The following FLNB variants were observed in gnomAD, a reference collection of about 807,000 sequenced individuals.
FLNB encodes the protein filamin B.
FLNB carries 111 observed loss-of-function variants against 250.6 expected under a neutral mutation model. That is an observed-to-expected ratio of 0.44 (90% CI 0.38 to 0.52). The LOEUF (loss-of-function observed/expected upper bound fraction) is 0.52, where lower values mean the gene tolerates loss of function less well. FLNB is among the 20% of genes least tolerant of loss of function. FLNB has a pLI of 0.00. For synonymous variants in FLNB, 1,302 were observed against 1,372.1 expected (o/e 0.95, Z 1.13); for missense variants, 2,869 against 3,447.8 (o/e 0.83, Z 4.20).
rs750637469 is a variant in FLNB at position 58,008,795 on chromosome 3, C to T, written c.231C>T (p.Leu77=). ...GGCCCACCTTTCGCCAGATGCAGCT[C>T]GAGAATGTGTCCGTGGCGCTCGAGT... is the stretch of plus-strand genomic sequence containing the variant. ...HQRPTFRQMQ[L]ENVSVALEFL... is the part of the protein sequence containing the mutation. Residue 77 remains leucine (L), a synonymous_variant, in exon 1 of 46, where the codon CTC becomes CTT. Coordinates refer to ENST00000295956, the MANE Select transcript of FLNB (RefSeq NM_001457.4). The T allele has an allele frequency of 2.0e-5, 33 of 1,613,932 alleles. No homozygotes were observed. The highest frequency in any genetic ancestry group is 1.9e-5 in the Non-Finnish European group (23 of 1,179,938).
chr3:58,114,676 C>T (rs2097274754), intron 18 of FLNB, among the ~76,000 whole-genome samples: 1 of 151,832 alleles, frequency 6.6e-6, no homozygotes, highest in Non-Finnish European at 1.5e-5. Context: ...CCTGGTTTCT[C>T]CACATCCTTG....
At chr3:58,019,449 T>A (rs928232315) in intron 1 of FLNB, among the ~76,000 whole-genome samples, 2 of 152,176 alleles carry the variant, frequency 1.3e-5, no homozygotes, top group African/African-American at 4.8e-5. Context: ...TAGTTTAAAT[T>A]TTAAGCCTCT....
chr3:58,126,468 T>C (rs1320114260), intron 23 of FLNB, 134 bp from the exon 24 acceptor site: 19 of 748,738 alleles, frequency 2.5e-5, no homozygotes, highest in Non-Finnish European at 3.8e-5. Context: ...AAATTCCCTA[T>C]GTGAGAGGTG....
intron 1 of FLNB, among the ~76,000 whole-genome samples, chr3:58,072,114 A>AAAAC (rs2097195469): frequency 6.6e-6 from 1 of 152,224 alleles, no homozygotes; most frequent in African/African-American, 2.4e-5. Context: ...AAAACTAAAC[A>AAAAC]AAACACACCC....
intron 1 of FLNB, among the ~76,000 whole-genome samples, chr3:58,026,339 T>C (rs1046406621): frequency 6.6e-6 from 1 of 152,130 alleles, no homozygotes; most frequent in African/African-American, 2.4e-5. Flanking sequence ...GGGCAGCACT[T>C]TCCCTCCTAG....
At chr3:58,101,487 A>T (rs1392072209) in intron 8 of FLNB, among the ~76,000 whole-genome samples, 2 of 152,228 alleles carry the variant, frequency 1.3e-5, no homozygotes, top group African/African-American at 4.8e-5. Flanking sequence ...CAAGTAAGGC[A>T]TATTGGAAGC....
At chr3:58,129,581 T>G (rs2097303165) in intron 24 of FLNB, among the ~76,000 whole-genome samples, 1 of 152,214 alleles carries the variant, frequency 6.6e-6, no homozygotes, top group Non-Finnish European at 1.5e-5. Context: ...AGCCATTTAT[T>G]TCACGTAGCT....
chr3:58,078,383 G>C, intron 2 of FLNB: 2 of 1,524,382 alleles, frequency 1.3e-6, no homozygotes, highest in Non-Finnish European at 1.7e-6. Context: ...TCCAGGAATA[G>C]AGTAAAAAAT....
Position 58,171,370 on chromosome 3 carries a change from A to T in FLNB, c.*608A>T, listed in dbSNP as rs1372304371. 6.5e-6 allele frequency: 1 copy of T among 154,362 alleles called. No homozygotes were observed. The highest frequency in any genetic ancestry group is 1.4e-5 in the Non-Finnish European group (1 of 69,612). 9.6% of individuals were successfully genotyped at this position (154,362 alleles called of 1,614,324 possible). On this transcript the variant is annotated 3_prime_UTR_variant, in exon 46 of 46. Coordinates refer to ENST00000295956, the MANE Select transcript of FLNB (RefSeq NM_001457.4). The surrounding 1 kb of genome is among the most constrained non-coding windows in gnomAD (Gnocchi z 5.5). ...GGCACCCTACAGAAACTCAGAGGGC[A>T]GAGTGGCAGCCAGGCCCACATGTCT... is the stretch of plus-strand genomic sequence containing the variant.
intron 1 of FLNB, among the ~76,000 whole-genome samples, chr3:58,063,710 G>A (rs953900948): frequency 1.3e-5 from 2 of 152,126 alleles, no homozygotes; most frequent in African/African-American, 4.8e-5. Flanking sequence ...TCTTTGGGCA[G>A]GCTGCCATCT....
chr3:58,036,438 G>T (rs1055384543), intron 1 of FLNB, among the ~76,000 whole-genome samples: 6 of 152,178 alleles, frequency 3.9e-5, no homozygotes, highest in African/African-American at 1.4e-4. Context: ...TGGAGATGGA[G>T]TCACAGGGGG....
intron 35 of FLNB, 37 bp downstream of exon 35, chr3:58,148,401 A>G (rs1236875620): frequency 1.6e-5 from 25 of 1,600,904 alleles, no homozygotes; most frequent in Non-Finnish European, 2.0e-5. Flanking sequence ...GAGCCAGGAC[A>G]TCTTGGGTGG....
chr3:58,168,609 CG>C lies in FLNB; in HGVS notation c.7370del (p.Gly2457ValfsTer15), dbSNP rs1180072256. 6.2e-7 allele frequency: 1 copy of C among 1,614,038 alleles called. No homozygotes were observed. Among genetic ancestry groups the C allele is most frequent in the Admixed American group, 1.7e-5 (1 of 60,006 alleles). Reference protein sequence around the residue: ...PGNYLISVKYGGPNHIVGSPF... With the variant: ...PGNYLISVKYXGPNHIVGSPF... ...GTAACTACCTGATCAGCGTCAAATA[CG>C]GTGGGCCCAACCACATCGTGGGCAG... On this transcript the variant is annotated frameshift_variant, in exon 44 of 46. Transcript: ENST00000295956. LOFTEE classifies it high-confidence loss of function.
chr3:58,159,383 G>A (rs2097357985), intron 41 of FLNB, among the ~76,000 whole-genome samples, 171 bp from the exon 42 acceptor site: 1 of 152,138 alleles, frequency 6.6e-6, no homozygotes, highest in South Asian at 2.1e-4. Flanking sequence ...GCACGTCTCT[G>A]CTATCTTACA....
intron 1 of FLNB, among the ~76,000 whole-genome samples, chr3:58,020,954 G>C (rs1347060661): frequency 6.6e-6 from 1 of 151,822 alleles, no homozygotes; most frequent in Non-Finnish European, 1.5e-5. Flanking sequence ...CTGAGGGAGA[G>C]GCAGGCCTCC....
intron 29 of FLNB, among the ~76,000 whole-genome samples, chr3:58,138,957 T>C (rs1056775842): frequency 1.3e-5 from 2 of 152,242 alleles, no homozygotes; most frequent in African/African-American, 4.8e-5. Flanking sequence ...TTTGGAGACT[T>C]GACTCTGAAA....
At position 58,131,525 on chromosome 3, in the gene FLNB, C is replaced by T. The variant is rs1048480796; in HGVS notation, c.4390+617C>T. On this transcript the variant is annotated intron_variant, in intron 25 of 45. Coordinates refer to ENST00000295956, the MANE Select transcript of FLNB (RefSeq NM_001457.4). Reference sequence around the variant, plus strand: ...CCTTTTTTGATAAGTGACCATGTTTCCTCCTCCAGCACTTAAAATGTGCCT... The same window carrying T: ...CCTTTTTTGATAAGTGACCATGTTTTCTCCTCCAGCACTTAAAATGTGCCT... Among the ~76,000 whole-genome samples, 12 of 152,162 alleles carry T rather than the reference C, an allele frequency of 7.9e-5. 1 individual carries two copies. The highest frequency in any genetic ancestry group is 1.6e-4 in the Non-Finnish European group (11 of 68,038).
At chr3:58,136,602 G>A (rs914737728) in intron 28 of FLNB, among the ~76,000 whole-genome samples, 3 of 151,944 alleles carry the variant, frequency 2.0e-5, no homozygotes, top group Non-Finnish European at 4.4e-5. Flanking sequence ...AAGGATCTAG[G>A]TTTTTTTCAT....
At chr3:58,165,792 A>C (rs34366007) in intron 43 of FLNB, 21,480 of 152,108 alleles carry the variant, frequency 0.14, 1,941 homozygotes, top group African/African-American at 0.24. Flanking sequence ...GTATACCAGA[A>C]GGGCCTCCTT....
Sources: allele counts gnomAD v4.1 joint callset (sites outside exome capture counted in the v4.1 genomes callset), GRCh38; gene constraint gnomAD v4.1.1; non-coding constraint Gnocchi (gnomAD v3.1); transcripts MANE v1.5; gene names NCBI Gene and HGNC (gene_info 2026-07-23, HGNC 2026-07-21).